ARHGEF10: variants seen among roughly 807,000 people sequenced by gnomAD.
ARHGEF10 encodes Rho guanine nucleotide exchange factor (GEF) 10.
A neutral mutation model predicts 147.4 loss-of-function variants in ARHGEF10; 140 were observed. The observed-to-expected ratio is 0.95, with a 90% CI of 0.83 to 1.09. The LOEUF (loss-of-function observed/expected upper bound fraction) is 1.09, where lower values mean the gene tolerates loss of function less well. Ranked by LOEUF, ARHGEF10 falls within the 50% of genes least tolerant of loss-of-function variation. The pLI, the probability that ARHGEF10 is intolerant of heterozygous loss-of-function variation, is 0.00. For synonymous variants in ARHGEF10, 902 were observed against 695.8 expected (o/e 1.30, Z -4.67); for missense variants, 2,222 against 1,752.7 (o/e 1.27, Z -4.78).
At chr8:1,827,201 A>G (rs1802823087) in intron 1 of ARHGEF10, among the ~76,000 whole-genome samples, 1 of 152,262 alleles carries the variant, frequency 6.6e-6, no homozygotes. Context: ...CACTTCTGCC[A>G]CATCTGCCAC....
At chr8:1,877,485 C>T (rs987108253) in intron 8 of ARHGEF10, among the ~76,000 whole-genome samples, 4 of 152,214 alleles carry the variant, frequency 2.6e-5, no homozygotes, top group African/African-American at 9.6e-5. Flanking sequence ...ACCTCGGCCT[C>T]CCAAAGTGCT....
intron 18 of ARHGEF10, among the ~76,000 whole-genome samples, chr8:1,910,202 C>G (rs574163395): frequency 6.6e-6 from 1 of 152,048 alleles, no homozygotes; most frequent in African/African-American, 2.4e-5. Flanking sequence ...TTTCAGTTAA[C>G]CTTTCATAGG....
In ARHGEF10 at chr8:1,896,447, A is replaced by T; in HGVS notation, c.1555A>T (p.Lys519Ter). The change falls in exon 14 of 29, where the codon AAG becomes TAG. Residue 519 changes from lysine to a stop codon, truncating the protein, a stop_gained and splice_region_variant. Transcript: ENST00000349830. LOFTEE classifies it high-confidence loss of function. ...ATKPAFLEFL[K>*]QEQEASPDRT... The stretch of plus-strand genomic sequence containing the variant: ...AAAGCCCGCTTTTCTTGAATTTTTA[A>T]AGGTAAGCGCTTTTTTTTTTCATTT... The T allele has an allele frequency of 6.2e-7, 1 of 1,610,792 alleles. No individual in the cohort carries two copies. The highest frequency in any genetic ancestry group is 8.5e-7 in the Non-Finnish European group (1 of 1,177,412).
intron 26 of ARHGEF10, among the ~76,000 whole-genome samples, chr8:1,945,157 G>T (rs190689495): frequency 6.6e-6 from 1 of 152,222 alleles, no homozygotes; most frequent in Non-Finnish European, 1.5e-5. Context: ...TGATGGGCCT[G>T]GGGGGATGGA....
rs1341206504 is a variant in ARHGEF10 at position 1,919,118 on chromosome 8, TATGGGTGATGGAGCTGTTCC to T, written c.2144-3825_2144-3806del. ...TCTTCCGTGGGTGATGGAGCTGTTCTATGGGTGATGGAGCTGTTCCATGGGTGATGGAGCTGTTCCGTGGG... is the reference window on the plus strand; with the variant it reads ...TCTTCCGTGGGTGATGGAGCTGTTCTATGGGTGATGGAGCTGTTCCGTGGG... On this transcript the variant is annotated intron_variant, in intron 18 of 28. Coordinates refer to ENST00000349830, the MANE Select transcript of ARHGEF10 (RefSeq NM_014629.4). 6.8e-4 allele frequency among the ~76,000 whole-genome samples: 100 copies of T among 147,762 alleles called. 1 individual carries two copies. Among genetic ancestry groups the T allele is most frequent in the Non-Finnish European group, 1.2e-3 (81 of 66,992 alleles).
chr8:1,934,331 G>A (rs2129238435), intron 26 of ARHGEF10, among the ~76,000 whole-genome samples: 1 of 136,590 alleles, frequency 7.3e-6, no homozygotes, highest in East Asian at 2.2e-4. Context: ...TCCAGCCTGG[G>A]TGACAGAACA....
chr8:1,890,849 C>G (rs750927029), intron 11 of ARHGEF10, among the ~76,000 whole-genome samples: 1 of 152,040 alleles, frequency 6.6e-6, no homozygotes, highest in Admixed American at 6.5e-5. Flanking sequence ...CTGTTGGGTA[C>G]TGATTTTGGT....
At chr8:1,931,597 A>T (rs995191918) in intron 25 of ARHGEF10, among the ~76,000 whole-genome samples, 1 of 151,332 alleles carries the variant, frequency 6.6e-6, no homozygotes, top group Non-Finnish European at 1.5e-5. Flanking sequence ...ATAGCCTGCC[A>T]CTTCGTTCTT....
At chr8:1,864,324 G>C in intron 4 of ARHGEF10, 49 bp from the exon 5 acceptor site, 2 of 1,578,138 alleles carry the variant, frequency 1.3e-6, no homozygotes, top group South Asian at 1.1e-5. Flanking sequence ...AACTTCATGA[G>C]CATTTTTGTC....
chr8:1,869,473 C>G lies in ARHGEF10; in HGVS notation c.679+223C>G, dbSNP rs1171738711. ...ATAGGGCAGTTTAATCTTACTTATC[C>G]CAAGCAAACAGAGGAGTAAAGGTAC... On this transcript the variant is annotated intron_variant, in intron 7 of 28. Coordinates refer to ENST00000349830, the MANE Select transcript of ARHGEF10 (RefSeq NM_014629.4). The G allele has an allele frequency of 7.5e-6, 5 of 664,746 alleles. No individual in the cohort carries two copies. In the African/African-American group the frequency reaches 9.4e-5, roughly 12 times the overall value. 41.2% of individuals were successfully genotyped at this position (664,746 alleles called of 1,614,324 possible). A position where few individuals can be genotyped will look rare whatever the true frequency, so the allele number is the denominator to read the frequency against.
chr8:1,951,217 G>A (rs1055720361), intron 27 of ARHGEF10, among the ~76,000 whole-genome samples: 3 of 152,216 alleles, frequency 2.0e-5, no homozygotes, highest in African/African-American at 4.8e-5. Flanking sequence ...GCTGCGCCCC[G>A]GGCTGCTCCC....
intron 28 of ARHGEF10, among the ~76,000 whole-genome samples, chr8:1,953,169 C>T (rs189984073): frequency 4.1e-5 from 6 of 146,788 alleles, no homozygotes; most frequent in East Asian, 3.9e-4. Context: ...AGAAGGAAGC[C>T]GGGATCTCCG....
chr8:1,905,040 A>C (rs1810772534), intron 16 of ARHGEF10, among the ~76,000 whole-genome samples: 1 of 152,190 alleles, frequency 6.6e-6, no homozygotes, highest in Admixed American at 6.5e-5. Context: ...GAGGCACGAG[A>C]ATCAATTGAA....
rs773918222 is a variant in ARHGEF10 at position 1,957,538 on chromosome 8, C to CT, written c.*280dup. The CT allele has an allele frequency of 1.6e-5, 9 of 557,018 alleles. No individual in the cohort carries two copies. Among genetic ancestry groups the CT allele is most frequent in the East Asian group, 6.2e-5 (2 of 32,388 alleles). The allele number at this position is 557,018 out of a possible 1,614,324, so 34.5% of individuals were successfully genotyped here. ...TGCAGTTCTGGGAAAATACCACATT[C>CT]TTTTTGACTGCTGTAGTCCATATGT... On this transcript the variant is annotated 3_prime_UTR_variant, in exon 29 of 29. Coordinates refer to ENST00000349830, the MANE Select transcript of ARHGEF10 (RefSeq NM_014629.4).
At chr8:1,853,335 C>T (rs1009690226) in intron 2 of ARHGEF10, among the ~76,000 whole-genome samples, 31 of 152,314 alleles carry the variant, frequency 2.0e-4, no homozygotes, top group African/African-American at 6.7e-4. Flanking sequence ...CAGGGACCAA[C>T]GGGCGGAGAA....
intron 13 of ARHGEF10, among the ~76,000 whole-genome samples, chr8:1,895,647 T>A (rs1190062855): frequency 1.3e-5 from 2 of 152,176 alleles, no homozygotes; most frequent in East Asian, 3.8e-4. Flanking sequence ...TTTTTAAAAA[T>A]GCAAACAGAT....
rs537531482 is a variant in ARHGEF10 at position 1,862,236 on chromosome 8, G to A, written c.481+2052G>A. On this transcript the variant is annotated intron_variant, in intron 4 of 28. Coordinates refer to ENST00000349830, the MANE Select transcript of ARHGEF10 (RefSeq NM_014629.4). ...CTCTGGAGCCTCCCTGGGGCGGGGC[G>A]GCCGCCTGGCTCTGCAGGGCTTCCC... is the stretch of plus-strand genomic sequence containing the variant. Among the ~76,000 whole-genome samples, 120 of 152,358 alleles carry A rather than the reference G, an allele frequency of 7.9e-4. 1 individual carries two copies. Among genetic ancestry groups the A allele is most frequent in the Admixed American group, 2.9e-3 (44 of 15,310 alleles).
At chr8:1,945,446 AC>A (rs777162603) in intron 26 of ARHGEF10, 34 bp from the exon 27 acceptor site, 9 of 1,558,474 alleles carry the variant, frequency 5.8e-6, no homozygotes, top group Middle Eastern at 1.7e-4. Context: ...GACTCACTCC[AC>A]GGGGCTAGCA....
chr8:1,932,494 T>TGTGCATATGGCATGTGCACGTGTGTGC (rs1409388041), intron 25 of ARHGEF10, among the ~76,000 whole-genome samples: 3 of 151,492 alleles, frequency 2.0e-5, no homozygotes, highest in Non-Finnish European at 4.4e-5. Context: ...CACGTGTGTG[T>TGTGCATATGGCATGTGCACGTGTGTGC]GTGCATATGG....
Sources: allele counts gnomAD v4.1 joint callset (sites outside exome capture counted in the v4.1 genomes callset), GRCh38; gene constraint gnomAD v4.1.1; transcripts MANE v1.5; gene names NCBI Gene and HGNC (gene_info 2026-07-23, HGNC 2026-07-21).